Variants in SYT6 observed in about 807,000 individuals in gnomAD.
SYT6 encodes synaptotagmin 6.
In SYT6, 24 loss-of-function variants were observed where a neutral mutation model predicts 38.4. That is an observed-to-expected ratio of 0.62 (90% CI 0.45 to 0.88). SYT6 has a LOEUF of 0.88. SYT6 is among the 40% of genes least tolerant of loss of function. The probability of loss-of-function intolerance (pLI) is 0.00; values close to 1 mark genes in which losing one functional copy is unlikely to be tolerated. For missense variants in SYT6, 611 were observed against 621.0 expected (o/e 0.98, Z 0.17); for synonymous variants, 265 against 241.9 (o/e 1.10, Z -0.89).
intron 1 of SYT6, chr1:114,152,523 A>AG (rs1049521686): frequency 2.6e-5 from 4 of 151,882 alleles, no homozygotes; most frequent in African/African-American, 9.7e-5. Context: ...GACGCGACCC[A>AG]GTACTCCCTC....
At chr1:114,143,654 C>T (rs1169700223) in intron 1 of SYT6, among the ~76,000 whole-genome samples, 1 of 151,840 alleles carries the variant, frequency 6.6e-6, no homozygotes, top group Non-Finnish European at 1.5e-5. Flanking sequence ...TGCTTTATTG[C>T]AGTAGTCTGT....
At chr1:114,112,333 G>C (rs1317243898) in intron 3 of SYT6, among the ~76,000 whole-genome samples, 1 of 152,196 alleles carries the variant, frequency 6.6e-6, no homozygotes, top group African/African-American at 2.4e-5. Flanking sequence ...AAGCACATCA[G>C]CGGGAAGCAA....
intron 3 of SYT6, among the ~76,000 whole-genome samples, chr1:114,130,245 C>T (rs979360824): frequency 1.2e-4 from 18 of 148,070 alleles, no homozygotes; most frequent in South Asian, 4.6e-4. Context: ...CTCAGACATA[C>T]TATTTATCTT....
At chr1:114,135,399 A>T (rs1049942775) in intron 3 of SYT6, among the ~76,000 whole-genome samples, 2 of 152,154 alleles carry the variant, frequency 1.3e-5, no homozygotes, top group South Asian at 4.1e-4. Flanking sequence ...ATTACATGAC[A>T]AGTTTCTGTG....
At chr1:114,113,281 C>T (rs921172391) in intron 3 of SYT6, among the ~76,000 whole-genome samples, 6 of 152,156 alleles carry the variant, frequency 3.9e-5, no homozygotes, top group African/African-American at 1.2e-4. Flanking sequence ...CTCTGGCTGC[C>T]TTTTTCAGGT....
intron 3 of SYT6, among the ~76,000 whole-genome samples, chr1:114,123,842 C>T (rs1677560956): frequency 1.3e-5 from 2 of 152,226 alleles, no homozygotes; most frequent in South Asian, 4.1e-4. Flanking sequence ...CCCAGGTGGC[C>T]AGGACACTTG....
rs12727028 is a variant in SYT6 at position 114,118,621 on chromosome 1, C to T, written c.1072-14900G>A. ...CCTCCGGCGGGGTGTCCCTGGGGCT[C>T]CTGCTGCTGCTGCAGAGGGGCCTGC... On this transcript the variant is annotated intron_variant, in intron 3 of 7. Transcript: ENST00000610222. Among the ~76,000 whole-genome samples the T allele has an allele frequency of 4.1e-3, 624 of 152,286 alleles. 1 individual carries two copies. Among genetic ancestry groups the T allele is most frequent in the Non-Finnish European group, 7.4e-3 (505 of 68,008 alleles).
chr1:114,113,190 A>G (rs1401123415), intron 3 of SYT6, among the ~76,000 whole-genome samples: 4 of 152,168 alleles, frequency 2.6e-5, no homozygotes, highest in Non-Finnish European at 5.9e-5. Flanking sequence ...GGTGCTCCAT[A>G]GAGAAGCTCT....
intron 7 of SYT6, among the ~76,000 whole-genome samples, chr1:114,093,183 C>T (rs1388534370): frequency 6.6e-6 from 1 of 152,152 alleles, no homozygotes; most frequent in Middle Eastern, 3.2e-3. Flanking sequence ...TCCCTCAATA[C>T]AGCCATTCCT....
rs1355637687 is a variant in SYT6 at position 114,097,754 on chromosome 1, C to A, written c.1488G>T (p.Leu496Phe). Residue 496 changes from leucine to phenylalanine, a missense_variant, in exon 6 of 8, where the codon TTG becomes TTT. By Grantham distance (22) the Leu-to-Phe change is conservative. Transcript: ENST00000610222. ...CTTTGAAGGATTTCTTTACCTCCAC[C>A]AAGGAGTGCCAGTGTGCGATGGGCT... ...PRKPIAHWHS[L>F]VEVKKSFKEG... is the part of the protein sequence containing the mutation. The A allele has an allele frequency of 2.5e-6, 4 of 1,614,174 alleles. No individual in the cohort carries two copies. In the South Asian group the frequency reaches 4.4e-5, roughly 18 times the overall value.
intron 3 of SYT6, among the ~76,000 whole-genome samples, chr1:114,124,451 G>A (rs1215629852): frequency 2.0e-5 from 3 of 152,182 alleles, no homozygotes; most frequent in Non-Finnish European, 2.9e-5. Flanking sequence ...AGAACTTGTG[G>A]GGAAGGGAGA....
At chr1:114,137,431 G>A in intron 3 of SYT6, 64 bp downstream of exon 3, 1 of 1,542,402 alleles carries the variant, frequency 6.5e-7, no homozygotes, top group Non-Finnish European at 8.8e-7. Flanking sequence ...AGGGTTTGGG[G>A]ACATGTCCCA....
rs761973499 is a variant in SYT6, at chr1:114,097,839, C to T, written c.1403G>A (p.Gly468Glu). ...CCTGCCCAGGCCTTCAGCAGTGATC[C>T]CCACACGACAGACTCCTATGATCTC... ...HNEIIGVCRV[G>E]ITAEGLGRDH... The change falls in exon 6 of 8, where the codon GGG (glycine) becomes GAG (glutamate). Residue 468 changes from glycine to glutamate, a missense_variant. Transcript: ENST00000610222. 4 of 1,614,208 alleles carry T rather than the reference C, an allele frequency of 2.5e-6. No individual in the cohort carries two copies. Among genetic ancestry groups the T allele is most frequent in the South Asian group, 1.1e-5 (1 of 91,086 alleles).
At chr1:114,152,707 G>C (rs1679509378) in intron 1 of SYT6, 1 of 152,204 alleles carries the variant, frequency 6.6e-6, no homozygotes. Context: ...GCGACTCCCC[G>C]GAGACGCCGC....
At chr1:114,152,739 C>G (rs1488523914) in intron 1 of SYT6, 4 of 152,186 alleles carry the variant, frequency 2.6e-5, no homozygotes, top group African/African-American at 9.6e-5. Flanking sequence ...AGGGTCCAGC[C>G]CGGCGGGGAT....
At chr1:114,153,453 C>A (rs1217823031) in intron 1 of SYT6, among the ~76,000 whole-genome samples, 157 bp downstream of exon 1, 3 of 152,230 alleles carry the variant, frequency 2.0e-5, no homozygotes, top group African/African-American at 4.8e-5. Flanking sequence ...GCTGTGCAAG[C>A]GATGGGCCAG....
At chr1:114,097,946 G>A (rs1261702031) in intron 5 of SYT6, 69 bp from the exon 6 acceptor site, 1 of 1,576,698 alleles carries the variant, frequency 6.3e-7, no homozygotes, top group Non-Finnish European at 8.7e-7. Flanking sequence ...TCCAGTGTGG[G>A]GGGTGGTAGG....
intron 4 of SYT6, among the ~76,000 whole-genome samples, chr1:114,102,599 T>G (rs778704552): frequency 2.0e-5 from 3 of 151,434 alleles, no homozygotes; most frequent in Non-Finnish European, 4.4e-5. Flanking sequence ...AGCAAATAAA[T>G]AAAGAATACA....
chr1:114,140,981 T>A (rs1571894944), intron 1 of SYT6, among the ~76,000 whole-genome samples: 1 of 152,222 alleles, frequency 6.6e-6, no homozygotes, highest in Non-Finnish European at 1.5e-5. Context: ...CCAACCTAAT[T>A]GATAAATGTT....
Sources: allele counts gnomAD v4.1 joint callset (sites outside exome capture counted in the v4.1 genomes callset), GRCh38; gene constraint gnomAD v4.1.1; transcripts MANE v1.5; gene names NCBI Gene and HGNC (gene_info 2026-07-23, HGNC 2026-07-21).